Variants in PTK7 observed in about 807,000 individuals in gnomAD.
The protein encoded by PTK7 is protein tyrosine kinase 7 (inactive), also known as inactive tyrosine-protein kinase 7.
A neutral mutation model predicts 116.6 loss-of-function variants in PTK7; 39 were observed. The ratio of observed to expected loss-of-function variants is 0.33; its 90% CI spans 0.26 to 0.44. The LOEUF is 0.44. PTK7 is among the 20% of genes least tolerant of loss of function. The probability of loss-of-function intolerance (pLI) is 1.00; values close to 1 mark genes in which losing one functional copy is unlikely to be tolerated. For synonymous variants in PTK7, 546 were observed against 563.6 expected (o/e 0.97, Z 0.44); for missense variants, 1,169 against 1,425.6 (o/e 0.82, Z 2.90).
intron 16 of PTK7, among the ~76,000 whole-genome samples, chr6:43,146,409 C>A (rs1770728195): frequency 6.6e-6 from 1 of 152,032 alleles, no homozygotes; most frequent in Non-Finnish European, 1.5e-5. Context: ...CTCCTCCTTT[C>A]TAACTGAGAC....
intron 1 of PTK7, among the ~76,000 whole-genome samples, chr6:43,082,427 C>T (rs1364185544): frequency 1.3e-5 from 2 of 152,190 alleles, no homozygotes; most frequent in Non-Finnish European, 2.9e-5. Context: ...CCGCCCACCT[C>T]AGCCTCCCAA....
intron 1 of PTK7, among the ~76,000 whole-genome samples, chr6:43,078,297 T>C (rs1028408874): frequency 6.6e-6 from 1 of 150,768 alleles, no homozygotes; most frequent in Admixed American, 6.6e-5. Context: ...TGGGGGAAGT[T>C]AGGGCAGGCT....
At chr6:43,149,059 CAAAAAAAAAAA>C (rs59033917) in intron 17 of PTK7, among the ~76,000 whole-genome samples, 2 of 69,834 alleles carry the variant, frequency 2.9e-5, no homozygotes, top group Non-Finnish European at 5.3e-5. Context: ...GACTTTGTCT[CAAAAAAAAAAA>C]AAAAAAAAAA....
chr6:43,076,731 G>T lies in PTK7; in HGVS notation c.79+164G>T. ...GCGGCGGAAGGGCGCAAGGAGCCCG[G>T]GTGTCGGGAGGCTGGCGAAGCCTCC... On this transcript the variant is annotated intron_variant, in intron 1 of 19. Coordinates refer to ENST00000230419, the MANE Select transcript of PTK7 (RefSeq NM_002821.5). The surrounding 1 kb of genome is among the most constrained non-coding windows in gnomAD (Gnocchi z 5.7). The T allele has an allele frequency of 7.3e-7, 1 of 1,375,186 alleles. No homozygotes were observed. The highest frequency in any genetic ancestry group is 2.8e-5 in the East Asian group (1 of 35,684). 85.2% of individuals were successfully genotyped at this position (1,375,186 alleles called of 1,614,324 possible). A position where few individuals can be genotyped will look rare whatever the true frequency, so the allele number is the denominator to read the frequency against.
intron 1 of PTK7, among the ~76,000 whole-genome samples, chr6:43,098,216 A>G (rs1267543492): frequency 1.3e-5 from 2 of 152,100 alleles, no homozygotes. Context: ...CTTGCTGCCT[A>G]GCTTTGTTTA....
At chr6:43,080,216 G>A (rs1298044411) in intron 1 of PTK7, among the ~76,000 whole-genome samples, 1 of 152,030 alleles carries the variant, frequency 6.6e-6, no homozygotes, top group Non-Finnish European at 1.5e-5. Context: ...GCCAGGCGTG[G>A]TGGCAGGCGC....
At chr6:43,136,174 C>CA (rs113916650) in intron 7 of PTK7, among the ~76,000 whole-genome samples, 44 of 141,876 alleles carry the variant, frequency 3.1e-4, no homozygotes, top group Middle Eastern at 3.7e-3. Flanking sequence ...ATAAAAAATA[C>CA]AAAAAAAAAA....
At chr6:43,126,043 G>A (rs1353457261) in intron 1 of PTK7, among the ~76,000 whole-genome samples, 1 of 152,122 alleles carries the variant, frequency 6.6e-6, no homozygotes, top group Non-Finnish European at 1.5e-5. Context: ...TTTTGGGCAG[G>A]GCGCCATGGC....
At chr6:43,125,180 C>CA (rs772855849) in intron 1 of PTK7, among the ~76,000 whole-genome samples, 15 of 151,236 alleles carry the variant, frequency 9.9e-5, no homozygotes, top group Non-Finnish European at 1.6e-4. Context: ...TCTCAAAAAA[C>CA]AAAAAAAAGA....
intron 1 of PTK7, among the ~76,000 whole-genome samples, chr6:43,091,420 G>C (rs1008787595): frequency 6.6e-6 from 1 of 152,082 alleles, no homozygotes; most frequent in Non-Finnish European, 1.5e-5. Flanking sequence ...ACCCACCTCG[G>C]CCTCTCGAAG....
intron 17 of PTK7, among the ~76,000 whole-genome samples, chr6:43,147,684 C>T (rs915113365): frequency 6.6e-6 from 1 of 152,206 alleles, no homozygotes; most frequent in African/African-American, 2.4e-5. Flanking sequence ...TGCCCCCAAT[C>T]TCTCTGGGGA....
Position 43,161,449 on chromosome 6 carries a change from A to G in PTK7, c.*568A>G, listed in dbSNP as rs1026676239. Reference sequence around the variant, plus strand: ...TTCCCCACCCTTCTCTCCTTTCCTCATCCTAAGTGCCTGGCAGATGAAGGA... The same window carrying G: ...TTCCCCACCCTTCTCTCCTTTCCTCGTCCTAAGTGCCTGGCAGATGAAGGA... On this transcript the variant is annotated 3_prime_UTR_variant, in exon 20 of 20. Coordinates refer to ENST00000230419, the MANE Select transcript of PTK7 (RefSeq NM_002821.5). 1 of 152,182 alleles carries G rather than the reference A, an allele frequency of 6.6e-6. No individual in the cohort carries two copies. Among genetic ancestry groups the G allele is most frequent in the Non-Finnish European group, 1.5e-5 (1 of 68,298 alleles). The allele number at this position is 152,182 out of a possible 1,614,324, so 9.4% of individuals were successfully genotyped here. A position where few individuals can be genotyped will look rare whatever the true frequency, so the allele number is the denominator to read the frequency against.
Position 43,129,559 on chromosome 6 carries a change from G to T in PTK7, c.368-168G>T, listed in dbSNP as rs957417593. ...ACTTGACCTGCCAGGGACCAGGCAG[G>T]CACTTAGTATCTGGTAACTGTAGCC... On this transcript the variant is annotated intron_variant, in intron 2 of 19. Coordinates refer to ENST00000230419, the MANE Select transcript of PTK7 (RefSeq NM_002821.5). This position sits in a 1 kb window ranked among gnomAD's most constrained non-coding sequence, Gnocchi z 4.5. 8.8e-6 allele frequency: 6 copies of T among 684,830 alleles called. No individual in the cohort carries two copies. The highest frequency in any genetic ancestry group is 1.5e-5 in the Non-Finnish European group (6 of 410,134). The allele number at this position is 684,830 out of a possible 1,614,324, so 42.4% of individuals were successfully genotyped here. A position where few individuals can be genotyped will look rare whatever the true frequency, so the allele number is the denominator to read the frequency against.
At chr6:43,151,534 G>GTT (rs200011172) in intron 17 of PTK7, among the ~76,000 whole-genome samples, 2 of 120,322 alleles carry the variant, frequency 1.7e-5, no homozygotes, top group Non-Finnish European at 3.5e-5. Flanking sequence ...TTTGTTTTTT[G>GTT]TTTTTTTTTT....
intron 1 of PTK7, among the ~76,000 whole-genome samples, chr6:43,127,726 G>A (rs1216733521): frequency 3.3e-5 from 5 of 152,080 alleles, no homozygotes; most frequent in African/African-American, 1.2e-4. Context: ...TCAGGAGATC[G>A]AGACCATCCT....
Position 43,129,975 on chromosome 6 carries a change from A to T in PTK7, c.470+146A>T. Reference sequence around the variant, plus strand: ...AGTGCTCTTCACCCTGCCCTCCCCCAGATATTGCCCTATGCCGGCCCCTGG... The same window carrying T: ...AGTGCTCTTCACCCTGCCCTCCCCCTGATATTGCCCTATGCCGGCCCCTGG... On this transcript the variant is annotated intron_variant, in intron 3 of 19. Transcript: ENST00000230419. The surrounding 1 kb of genome is among the most constrained non-coding windows in gnomAD (Gnocchi z 4.5). 1 of 917,758 alleles carries T rather than the reference A, an allele frequency of 1.1e-6. No individual in the cohort carries two copies. The highest frequency in any genetic ancestry group is 1.6e-5 in the African/African-American group (1 of 61,308). The allele number at this position is 917,758 out of a possible 1,614,324, so 56.9% of individuals were successfully genotyped here. A position where few individuals can be genotyped will look rare whatever the true frequency, so the allele number is the denominator to read the frequency against.
intron 1 of PTK7, among the ~76,000 whole-genome samples, chr6:43,106,767 G>A (rs754959859): frequency 1.1e-4 from 16 of 148,248 alleles, no homozygotes; most frequent in Admixed American, 8.3e-4. Context: ...GATTACAGGC[G>A]TGACACCCGG....
chr6:43,103,584 C>T (rs562784763), intron 1 of PTK7, among the ~76,000 whole-genome samples: 3 of 152,194 alleles, frequency 2.0e-5, no homozygotes, highest in Non-Finnish European at 1.5e-5. Flanking sequence ...GACATCCCCC[C>T]ACCTTGGGGC....
intron 1 of PTK7, among the ~76,000 whole-genome samples, chr6:43,105,740 C>T (rs1243237836): frequency 6.6e-6 from 1 of 152,172 alleles, no homozygotes; most frequent in East Asian, 1.9e-4. Flanking sequence ...GATGTGGCTA[C>T]AAGCCAAGGA....
Sources: gnomAD v4.1 joint callset for allele counts (sites outside exome capture counted in the v4.1 genomes callset) on GRCh38, gnomAD v4.1.1 for gene constraint, Gnocchi (gnomAD v3.1) non-coding constraint, MANE v1.5 for transcripts, NCBI Gene and HGNC (gene_info 2026-07-23, HGNC 2026-07-21) for gene names.